Variants in SLC38A11 observed in about 807,000 individuals in gnomAD.
SLC38A11 encodes the protein solute carrier family 38 member 11, also known as putative sodium-coupled neutral amino acid transporter 11.
Under a neutral mutation model 49.4 loss-of-function variants are expected in SLC38A11, and 51 were observed. The ratio of observed to expected loss-of-function variants is 1.03; its 90% confidence interval spans 0.83 to 1.30. The LOEUF is 1.30. SLC38A11 is among the 50% of genes most tolerant of loss of function. SLC38A11 has a pLI of 0.00. For synonymous variants in SLC38A11, 203 were observed against 192.9 expected (o/e 1.05, Z -0.43); for missense variants, 574 against 556.2 (o/e 1.03, Z -0.32).
rs548257513 is a variant in SLC38A11, at chr2:164,934,118, A to G, written c.617+3232T>C. Among the ~76,000 whole-genome samples, 13 of 152,148 alleles carry G rather than the reference A, an allele frequency of 8.5e-5. No homozygotes were observed. The South Asian group carries it at 2.3e-3, about 27-fold the overall frequency. ...GTGGACTGCCCTTCCTTTTTTCTCTATATCAAGGCACACTGCTTATATGAT... is the reference window on the plus strand; with the variant it reads ...GTGGACTGCCCTTCCTTTTTTCTCTGTATCAAGGCACACTGCTTATATGAT... On this transcript the variant is annotated intron_variant, in intron 7 of 11. Transcript: ENST00000685975.
chr2:164,911,746 C>A lies in SLC38A11; in HGVS notation c.853G>T (p.Asp285Tyr). 1.3e-6 allele frequency: 2 copies of A among 1,555,864 alleles called. No individual in the cohort carries two copies. The highest frequency in any genetic ancestry group is 1.2e-5 in the South Asian group (1 of 85,478). Residue 285 changes from aspartate to tyrosine, a missense_variant and splice_region_variant, in exon 10 of 12, where the codon GAC becomes TAC. By Grantham distance (160) the Asp-to-Tyr change is radical. Coordinates refer to ENST00000685975, the MANE Select transcript of SLC38A11 (RefSeq NM_001351537.2). ...YLTFTGFTQG[D>Y]LFENYCRNDD... ...TTTCTGCAGTAATTTTCAAATAAGT[C>A]CCCTAGATAGTAATATAAAATAAGT...
chr2:164,908,593 T>C, intron 11 of SLC38A11, 47 bp downstream of exon 11: 1 of 1,450,924 alleles, frequency 6.9e-7, no homozygotes, highest in African/African-American at 1.4e-5. Context: ...TCATTATCTT[T>C]TAAAGAGAAT....
At chr2:164,938,876 A>C (rs1257870441) in intron 6 of SLC38A11, among the ~76,000 whole-genome samples, 1 of 152,180 alleles carries the variant, frequency 6.6e-6, no homozygotes, top group African/African-American at 2.4e-5. Context: ...GTAAGTGCAA[A>C]TGAGCATCTG....
chr2:164,949,535 G>A (rs1574015785), intron 3 of SLC38A11, among the ~76,000 whole-genome samples: 1 of 152,288 alleles, frequency 6.6e-6, no homozygotes, highest in East Asian at 1.9e-4. Context: ...TGGGATTACA[G>A]GGGTGAACCA....
intron 6 of SLC38A11, among the ~76,000 whole-genome samples, chr2:164,938,242 C>T (rs1687511075): frequency 6.6e-6 from 1 of 152,058 alleles, no homozygotes; most frequent in Non-Finnish European, 1.5e-5. Context: ...TATGAATTGG[C>T]TTATCTTCTG....
chr2:164,917,359 C>A (rs182850514), intron 7 of SLC38A11, among the ~76,000 whole-genome samples: 1 of 152,254 alleles, frequency 6.6e-6, no homozygotes, highest in African/African-American at 2.4e-5. Context: ...ATTATATCAT[C>A]CTTTTTCCCA....
At position 164,911,638 on chromosome 2, in the gene SLC38A11, C is replaced by G. The variant is rs202023094; in HGVS notation, c.961G>C (p.Glu321Gln). 2.2e-4 allele frequency: 345 copies of G among 1,567,038 alleles called. No homozygotes were observed. Among genetic ancestry groups the G allele is most frequent in the Non-Finnish European group, 2.8e-4 (327 of 1,149,590 alleles). Residue 321 changes from glutamate (E) to glutamine (Q), a missense_variant and splice_region_variant, in exon 10 of 12, where the codon GAG (glutamate) becomes CAG (glutamine). By Grantham distance (29) the Glu-to-Gln change is conservative. Transcript: ENST00000685975. ...CGTTGGGAAGGAACCGCGCTTACCT[C>G]TCTTGTCACAAAGCATTCCATAGGG... ...TYPMECFVTR[E>Q]VIANVFFGGN...
chr2:164,926,728 C>A (rs932329061), intron 7 of SLC38A11, among the ~76,000 whole-genome samples: 1 of 151,910 alleles, frequency 6.6e-6, no homozygotes, highest in African/African-American at 2.4e-5. Context: ...ATGGATGAAG[C>A]TGGAAACCAT....
At chr2:164,934,996 C>T (rs148011328) in intron 7 of SLC38A11, among the ~76,000 whole-genome samples, 1 of 152,096 alleles carries the variant, frequency 6.6e-6, no homozygotes, top group African/African-American at 2.4e-5. Flanking sequence ...CTCATACCCT[C>T]TATGTATCTG....
At position 164,955,406 on chromosome 2, in the gene SLC38A11, G is replaced by T. The variant is rs910526829; in HGVS notation, c.-159C>A. The T allele has an allele frequency of 2.8e-5, 18 of 647,918 alleles. No homozygotes were observed. Among genetic ancestry groups the T allele is most frequent in the Non-Finnish European group, 4.6e-5 (17 of 370,534 alleles). The allele number at this position is 647,918 out of a possible 1,614,324, so 40.1% of individuals were successfully genotyped here. On this transcript the variant is annotated 5_prime_UTR_variant, in exon 1 of 12. Transcript: ENST00000685975. ...CGGGCGCCCCCTGCTCCCTCGGCAG[G>T]CCGCGAGGGCTGCAGCCCCAAGATC... is the stretch of plus-strand genomic sequence containing the variant.
rs1189512742 is a variant in SLC38A11, at chr2:164,898,409, A to C, written c.*28T>G. On this transcript the variant is annotated 3_prime_UTR_variant, in exon 12 of 12. Coordinates refer to ENST00000685975, the MANE Select transcript of SLC38A11 (RefSeq NM_001351537.2). ...ATGTTATGTGTTTTAAAGTCTATGA[A>C]AACATACATATTTTTAAAGCAGTCA... 1.3e-6 allele frequency: 2 copies of C among 1,496,496 alleles called. No individual in the cohort carries two copies. Among genetic ancestry groups the C allele is most frequent in the Non-Finnish European group, 1.9e-6 (2 of 1,080,802 alleles). The allele number at this position is 1,496,496 out of a possible 1,614,324, so 92.7% of individuals were successfully genotyped here. A position where few individuals can be genotyped will look rare whatever the true frequency, so the allele number is the denominator to read the frequency against.
rs1684389606 is a variant in SLC38A11, at chr2:164,897,040, A to G, written c.*1397T>C. 6.6e-6 allele frequency: 1 copy of G among 152,176 alleles called. No individual in the cohort carries two copies. The highest frequency in any genetic ancestry group is 2.4e-5 in the African/African-American group (1 of 41,456). 9.4% of individuals were successfully genotyped at this position (152,176 alleles called of 1,614,324 possible). On this transcript the variant is annotated 3_prime_UTR_variant, in exon 12 of 12. Transcript: ENST00000685975. ...GGAATACAAATGAAATGAAAATCTTAGGTGATACTTGATATAAGGAAGCCA... is the reference window on the plus strand; with the variant it reads ...GGAATACAAATGAAATGAAAATCTTGGGTGATACTTGATATAAGGAAGCCA...
Position 164,897,307 on chromosome 2 carries a change from A to G in SLC38A11, c.*1130T>C, listed in dbSNP as rs1684394768. The G allele has an allele frequency of 6.6e-6, 1 of 152,180 alleles. No homozygotes were observed. Among genetic ancestry groups the G allele is most frequent in the Admixed American group, 6.6e-5 (1 of 15,258 alleles). 9.4% of individuals were successfully genotyped at this position (152,180 alleles called of 1,614,324 possible). A position where few individuals can be genotyped will look rare whatever the true frequency, so the allele number is the denominator to read the frequency against. On this transcript the variant is annotated 3_prime_UTR_variant, in exon 12 of 12. Transcript: ENST00000685975. ...GCTGCAAAGAGCTGCCTAGCCCAAG[A>G]ACTCATCCTTCTCCAGATGCTCACA...
At chr2:164,923,821 G>A (rs930315895) in intron 7 of SLC38A11, among the ~76,000 whole-genome samples, 1 of 151,650 alleles carries the variant, frequency 6.6e-6, no homozygotes, top group East Asian at 1.9e-4. Flanking sequence ...AAAAACAAAT[G>A]TTAGTGGGGC....
chr2:164,926,926 T>C (rs186706000), intron 7 of SLC38A11, among the ~76,000 whole-genome samples: 11,119 of 149,854 alleles, frequency 0.074, 448 homozygotes, highest in Admixed American at 0.1. Flanking sequence ...GACGAGTTAA[T>C]GGGTGCAGCA....
chr2:164,917,171 A>G (rs1176856954), intron 7 of SLC38A11, among the ~76,000 whole-genome samples: 1 of 152,172 alleles, frequency 6.6e-6, no homozygotes, highest in East Asian at 1.9e-4. Context: ...CAATGCATGA[A>G]GAATGGAACA....
intron 10 of SLC38A11, among the ~76,000 whole-genome samples, chr2:164,910,002 AG>A (rs374179452): frequency 6.4e-4 from 97 of 152,256 alleles, no homozygotes; most frequent in African/African-American, 2.1e-3. Context: ...TCACTTAGTG[AG>A]GCAGGTAGTA....
chr2:164,952,081 A>G (rs908968059), intron 3 of SLC38A11, among the ~76,000 whole-genome samples: 8 of 152,132 alleles, frequency 5.3e-5, no homozygotes, highest in African/African-American at 1.9e-4. Context: ...GGACAACAAA[A>G]AGAGGAGATG....
chr2:164,908,101 A>G (rs1050590099), intron 11 of SLC38A11: 37 of 152,194 alleles, frequency 2.4e-4, no homozygotes, highest in African/African-American at 8.7e-4. Context: ...CTGGAGAAAG[A>G]AAAATATTTA....
Sources: allele counts gnomAD v4.1 joint callset (sites outside exome capture counted in the v4.1 genomes callset), GRCh38; gene constraint gnomAD v4.1.1; transcripts MANE v1.5; gene names NCBI Gene and HGNC (gene_info 2026-07-23, HGNC 2026-07-21).